The following JCHAIN variants were observed in gnomAD, a reference collection of about 807,000 sequenced individuals.
The protein encoded by JCHAIN is joining chain of multimeric IgA and IgM.
In JCHAIN, 5 loss-of-function variants were observed where a neutral mutation model predicts 11.1. The observed-to-expected ratio is 0.45, with a 90% CI of 0.24 to 0.95. The LOEUF (loss-of-function observed/expected upper bound fraction) is 0.95. Ranked by LOEUF, JCHAIN falls within the 40% of genes least tolerant of loss-of-function variation. JCHAIN has a pLI of 0.21. For missense variants in JCHAIN, 165 were observed against 192.7 expected (o/e 0.86, Z 0.85); for synonymous variants, 51 against 67.8 (o/e 0.75, Z 1.22).
intron 1 of JCHAIN, among the ~76,000 whole-genome samples, chr4:70,664,407 A>T (rs1026870871): frequency 6.6e-6 from 1 of 152,146 alleles, no homozygotes; most frequent in Non-Finnish European, 1.5e-5. Context: ...TTTTAACTGG[A>T]AGTCTATTCC....
rs151333808 is a variant in JCHAIN, at chr4:70,664,915, G to A, written c.64+1512C>T. Among the ~76,000 whole-genome samples, 18 of 152,256 alleles carry A rather than the reference G, an allele frequency of 1.2e-4. No individual in the cohort carries two copies. The East Asian group carries it at 3.3e-3, about 28-fold the overall frequency. On this transcript the variant is annotated intron_variant, in intron 1 of 3. Coordinates refer to ENST00000254801, the MANE Select transcript of JCHAIN (RefSeq NM_144646.4). ...TAATATCTATCAGAAATACATAGCT[G>A]TCAGAAAAGTTACAAATACTTTCAA...
rs1263926407 is a variant in JCHAIN at position 70,662,177 on chromosome 4, A to G, written c.103T>C (p.Cys35Arg). ...DERIVLVDNKCKCARITSRII... is the reference protein window; with the variant it reads ...DERIVLVDNKRKCARITSRII... ...CTGGAAGTAATCCGGGCACACTTAC[A>G]TTTGTTGTCAACAAGAACAATCCTT... Residue 35 changes from cysteine (C) to arginine (R), a missense_variant, in exon 2 of 4, where the codon TGT (cysteine) becomes CGT (arginine). Cys to Arg is a radical substitution (Grantham distance 180). Coordinates refer to ENST00000254801, the MANE Select transcript of JCHAIN (RefSeq NM_144646.4). 6.2e-7 allele frequency: 1 copy of G among 1,613,548 alleles called. No homozygotes were observed. The highest frequency in any genetic ancestry group is 8.5e-7 in the Non-Finnish European group (1 of 1,179,442).
At chr4:70,659,659 C>T (rs1008165676) in intron 2 of JCHAIN, among the ~76,000 whole-genome samples, 60 of 144,120 alleles carry the variant, frequency 4.2e-4, no homozygotes, top group African/African-American at 1.5e-3. Flanking sequence ...GTCAAGTGTT[C>T]GAGACTAGCC....
At chr4:70,662,300 G>T in intron 1 of JCHAIN, 85 bp from the exon 2 acceptor site, 2 of 1,233,486 alleles carry the variant, frequency 1.6e-6, no homozygotes, top group Non-Finnish European at 2.3e-6. Flanking sequence ...TTTCTTGCCT[G>T]CAGAAAAATA....
chr4:70,656,593 T>G (rs1462807441), intron 3 of JCHAIN, 54 bp from the exon 4 acceptor site: 1 of 1,331,046 alleles, frequency 7.5e-7, no homozygotes, highest in East Asian at 2.3e-5. Context: ...TCTCAAAATG[T>G]GACTACACAT....
chr4:70,655,973 G>A lies in JCHAIN; in HGVS notation c.*356C>T, dbSNP rs540486828. 40 of 157,314 alleles carry A rather than the reference G, an allele frequency of 2.5e-4. No homozygotes were observed. Among genetic ancestry groups the A allele is most frequent in the Non-Finnish European group, 4.3e-4 (31 of 72,760 alleles). 9.7% of individuals were successfully genotyped at this position (157,314 alleles called of 1,614,324 possible). A position where few individuals can be genotyped will look rare whatever the true frequency, so the allele number is the denominator to read the frequency against. On this transcript the variant is annotated 3_prime_UTR_variant, in exon 4 of 4. Transcript: ENST00000254801. ...AAAAAAAAAAAGCGGGGGGGAATGCGAGGAACATTTTATTACACCTCCTGA... is the reference window on the plus strand; with the variant it reads ...AAAAAAAAAAAGCGGGGGGGAATGCAAGGAACATTTTATTACACCTCCTGA...
At position 70,662,088 on chromosome 4, in the gene JCHAIN, A is replaced by G. The variant is rs200787236; in HGVS notation, c.188+4T>C. On this transcript the variant is annotated splice_donor_region_variant and intron_variant, in intron 2 of 3. Transcript: ENST00000254801. ...GAAAAAAAGGAATATGGAATGCCAC[A>G]TACATAATTCGGATGTTTCTCTCCA... The G allele has an allele frequency of 7.9e-4, 1,281 of 1,613,612 alleles. 2 individuals are homozygous for G. The highest frequency in any genetic ancestry group is 1.0e-3 in the Non-Finnish European group (1,214 of 1,179,682).
intron 2 of JCHAIN, among the ~76,000 whole-genome samples, chr4:70,658,404 G>A (rs549717660): frequency 1.8e-4 from 28 of 152,218 alleles, no homozygotes; most frequent in African/African-American, 6.3e-4. Flanking sequence ...TAGAAGGCAC[G>A]TATCCTAATA....
chr4:70,660,690 G>A (rs893752394), intron 2 of JCHAIN, among the ~76,000 whole-genome samples: 5 of 152,032 alleles, frequency 3.3e-5, no homozygotes, highest in Admixed American at 6.6e-5. Context: ...AGCCCCAGTA[G>A]TGCTGAATTT....
chr4:70,659,090 T>A (rs1577978611), intron 2 of JCHAIN, among the ~76,000 whole-genome samples: 1 of 152,336 alleles, frequency 6.6e-6, no homozygotes, highest in East Asian at 1.9e-4. Flanking sequence ...AGCCAAACAC[T>A]GTTCTTTTAT....
In JCHAIN at chr4:70,657,255, G is replaced by T; in HGVS notation, c.225C>A (p.Pro75=). ...PLNNRENISD[P]TSPLRTRFVY... Reference sequence around the variant, plus strand: ...CAAATCTGGTTCTCAATGGTGAGGTGGGATCAGAGATATTCTCCCTGTTGT... The same window carrying T: ...CAAATCTGGTTCTCAATGGTGAGGTTGGATCAGAGATATTCTCCCTGTTGT... Residue 75 remains proline (P), a synonymous_variant, in exon 3 of 4, where the codon CCC becomes CCA. Coordinates refer to ENST00000254801, the MANE Select transcript of JCHAIN (RefSeq NM_144646.4). 6.2e-7 allele frequency: 1 copy of T among 1,604,810 alleles called. No individual in the cohort carries two copies. The highest frequency in any genetic ancestry group is 8.5e-7 in the Non-Finnish European group (1 of 1,172,120).
chr4:70,658,462 T>C (rs931775853), intron 2 of JCHAIN, among the ~76,000 whole-genome samples: 2 of 152,226 alleles, frequency 1.3e-5, no homozygotes, highest in Non-Finnish European at 2.9e-5. Context: ...CCATCTACAA[T>C]GCATGCCAGC....
intron 3 of JCHAIN, among the ~76,000 whole-genome samples, 163 bp from the exon 4 acceptor site, chr4:70,656,702 G>A (rs769550696): frequency 6.6e-6 from 1 of 152,048 alleles, no homozygotes; most frequent in South Asian, 2.1e-4. Flanking sequence ...TAGCTTATGG[G>A]ATTTTCCAAT....
intron 2 of JCHAIN, among the ~76,000 whole-genome samples, chr4:70,658,606 A>T (rs1383978384): frequency 1.3e-5 from 2 of 152,168 alleles, no homozygotes; most frequent in East Asian, 3.8e-4. Context: ...TGATGATCTC[A>T]TATAATCGTC....
Position 70,656,342 on chromosome 4 carries a change from C to T in JCHAIN, c.467G>A (p.Cys156Tyr), listed in dbSNP as rs1485703887. 1.2e-6 allele frequency: 2 copies of T among 1,612,834 alleles called. No homozygotes were observed. Among genetic ancestry groups the T allele is most frequent in the Non-Finnish European group, 1.7e-6 (2 of 1,179,032 alleles). The change falls in exon 4 of 4, where the codon TGC becomes TAC. Residue 156 changes from cysteine (C) to tyrosine (Y), a missense_variant. Transcript: ENST00000254801. ...MVETALTPDA[C>Y]YPD The stretch of plus-strand genomic sequence containing the variant: ...CAATGACTTAAATTAGTCAGGATAG[C>T]AGGCATCTGGGGTTAAGGCTGTTTC...
At chr4:70,663,058 C>T (rs1317443627) in intron 1 of JCHAIN, among the ~76,000 whole-genome samples, 1 of 151,648 alleles carries the variant, frequency 6.6e-6, no homozygotes, top group African/African-American at 2.4e-5. Flanking sequence ...TTATGAGGTA[C>T]AATCTCAATT....
rs1410415066 is a variant in JCHAIN at position 70,656,472 on chromosome 4, T to C, written c.337A>G (p.Ile113Val). 1.2e-5 allele frequency: 19 copies of C among 1,613,946 alleles called. No homozygotes were observed. Among genetic ancestry groups the C allele is most frequent in the Non-Finnish European group, 1.4e-5 (17 of 1,179,794 alleles). The change falls in exon 4 of 4, where the codon ATC becomes GTC. Residue 113 changes from isoleucine to valine, a missense_variant. Ile to Val is a conservative substitution (Grantham distance 29). Transcript: ENST00000254801. ...TCTGTAGCACTGTCTTCATCACAGA[T>C]ATTGCTCTGGGTAGCAGTAACTATC... ...NQIVTATQSN[I>V]CDEDSATETC...
Position 70,657,191 on chromosome 4 carries a change from TG to T in JCHAIN, c.269+19del. 4 of 1,397,080 alleles carry T rather than the reference TG, an allele frequency of 2.9e-6. 1 individual carries two copies. In the South Asian group the frequency reaches 4.7e-5, roughly 16 times the overall value. The allele number at this position is 1,397,080 out of a possible 1,614,324, so 86.5% of individuals were successfully genotyped here. A position where few individuals can be genotyped will look rare whatever the true frequency, so the allele number is the denominator to read the frequency against. On this transcript the variant is annotated intron_variant, in intron 3 of 3. Coordinates refer to ENST00000254801, the MANE Select transcript of JCHAIN (RefSeq NM_144646.4). ...ATTAACTTCCACATCTATATTACTA[TG>T]GAAAAAAATATATCTTACAGGTCAG...
chr4:70,663,853 G>T (rs765325907), intron 1 of JCHAIN, among the ~76,000 whole-genome samples: 2 of 151,622 alleles, frequency 1.3e-5, no homozygotes, highest in African/African-American at 2.4e-5. Context: ...GAGCCACCAC[G>T]CCTGGCAAAT....
Sources: gnomAD v4.1 joint callset for allele counts (sites outside exome capture counted in the v4.1 genomes callset) on GRCh38, gnomAD v4.1.1 for gene constraint, MANE v1.5 for transcripts, NCBI Gene and HGNC (gene_info 2026-07-23, HGNC 2026-07-21) for gene names.